Variants in STK3 observed in about 807,000 individuals in gnomAD.
STK3 encodes the protein serine/threonine-protein kinase 3.
STK3 carries 41 observed loss-of-function variants against 58.0 expected under a neutral mutation model. The ratio of observed to expected loss-of-function variants is 0.71; its 90% CI spans 0.55 to 0.92. The LOEUF (loss-of-function observed/expected upper bound fraction) is 0.92, where lower values mean the gene tolerates loss of function less well. Ranked by LOEUF, STK3 falls within the 40% of genes least tolerant of loss-of-function variation. The pLI is 0.00. For synonymous variants in STK3, 170 were observed against 191.0 expected (o/e 0.89, Z 0.91); for missense variants, 479 against 602.7 (o/e 0.79, Z 2.15).
chr8:98,723,434 G>A (rs773894258), intron 4 of STK3, among the ~76,000 whole-genome samples: 1 of 151,996 alleles, frequency 6.6e-6, no homozygotes, highest in Admixed American at 6.6e-5. Context: ...CATTTAATAT[G>A]TCACTGTGTA....
At chr8:98,614,411 C>G (rs1252158489) in intron 6 of STK3, among the ~76,000 whole-genome samples, 1 of 152,144 alleles carries the variant, frequency 6.6e-6, no homozygotes, top group Non-Finnish European at 1.5e-5. Context: ...AACACGCTTT[C>G]AAATAATCTA....
rs1270109161 is a variant in STK3, at chr8:98,911,762, A to G, written c.-78-27928T>C. Among the ~76,000 whole-genome samples, 8 of 152,294 alleles carry G rather than the reference A, an allele frequency of 5.3e-5. No homozygotes were observed. In the East Asian group the frequency reaches 1.5e-3, roughly 29 times the overall value. On this transcript the variant is annotated intron_variant, in intron 1 of 1. Transcript: ENST00000519420. ...TATTTTGAATGGGGGCCTTATAATA[A>G]GAGTATTTATCCTACTTTTTTTCTA...
chr8:98,359,041 T>C, the STK3 span, among the ~76,000 whole-genome samples: 1 of 152,084 alleles, frequency 6.6e-6, no homozygotes, highest in Non-Finnish European at 1.5e-5. Flanking sequence ...GAAATGGTAT[T>C]TCCTTCCTGT....
chr8:98,747,074 T>C (rs895055869), intron 4 of STK3, among the ~76,000 whole-genome samples: 1 of 67,966 alleles, frequency 1.5e-5, no homozygotes, highest in Admixed American at 1.5e-4. Flanking sequence ...TGAAGTAAAA[T>C]AACAACATTT....
Position 98,428,451 on chromosome 8 carries a change from G to T in STK3, n.483+5676C>A, listed in dbSNP as rs1488567981. ...TGAGATCCTTGCCTTCTACAACGACGCCTCCAAGTTCGATGGGCAGCCCCT... is the reference window on the plus strand; with the variant it reads ...TGAGATCCTTGCCTTCTACAACGACTCCTCCAAGTTCGATGGGCAGCCCCT... On this transcript the variant is annotated intron_variant and non_coding_transcript_variant, in intron 3 of 3. Coordinates refer to the STK3 transcript ENST00000517832. The surrounding 1 kb of genome is among the most constrained non-coding windows in gnomAD (Gnocchi z 6.7). 1.2e-6 allele frequency: 2 copies of T among 1,614,076 alleles called. No individual in the cohort carries two copies. Among genetic ancestry groups the T allele is most frequent in the South Asian group, 2.2e-5 (2 of 91,078 alleles).
chr8:98,839,208 G>A (rs1194526244), intron 3 of STK3, among the ~76,000 whole-genome samples: 1 of 151,952 alleles, frequency 6.6e-6, no homozygotes, highest in Non-Finnish European at 1.5e-5. Flanking sequence ...CACTAGGCCT[G>A]ACGAATTTTT....
intron 7 of STK3, among the ~76,000 whole-genome samples, chr8:98,583,001 CAATATT>C (rs1467600653): frequency 6.6e-6 from 1 of 151,960 alleles, no homozygotes; most frequent in Non-Finnish European, 1.5e-5. Flanking sequence ...TGTTCTTTAT[CAATATT>C]AAGTGACTCC....
chr8:98,361,926 T>A, the STK3 span, among the ~76,000 whole-genome samples: 1 of 152,102 alleles, frequency 6.6e-6, no homozygotes, highest in Non-Finnish European at 1.5e-5. Context: ...CTCAAGCCAG[T>A]CCCAAGGGTT....
intron 8 of STK3, among the ~76,000 whole-genome samples, chr8:98,556,800 T>C (rs1811623595): frequency 6.6e-6 from 1 of 152,068 alleles, no homozygotes; most frequent in Non-Finnish European, 1.5e-5. Flanking sequence ...AAAAGGGTCA[T>C]ATAGTAACAG....
intron 1 of STK3, among the ~76,000 whole-genome samples, chr8:98,812,976 G>GTATA: frequency 6.6e-6 from 1 of 150,834 alleles, no homozygotes; most frequent in South Asian, 2.1e-4. Flanking sequence ...CATGGCACAT[G>GTATA]TATACATATG....
At chr8:98,609,638 G>A (rs1817029960) in intron 6 of STK3, among the ~76,000 whole-genome samples, 1 of 152,138 alleles carries the variant, frequency 6.6e-6, no homozygotes, top group Non-Finnish European at 1.5e-5. Flanking sequence ...TGCCTTGAAT[G>A]TATCAGAAAA....
intron 1 of STK3, among the ~76,000 whole-genome samples, chr8:98,385,516 C>T (rs1438301707): frequency 6.6e-6 from 1 of 152,180 alleles, no homozygotes; most frequent in East Asian, 1.9e-4. Context: ...GGAAGCCACA[C>T]ACAGCTGCAA....
chr8:98,876,973 G>T (rs569774307), intron 3 of STK3, among the ~76,000 whole-genome samples: 3 of 152,090 alleles, frequency 2.0e-5, no homozygotes, highest in Non-Finnish European at 2.9e-5. Context: ...ATTTTGTTCC[G>T]CCCAGAACAA....
chr8:98,840,376 A>G (rs1835924003), intron 3 of STK3, among the ~76,000 whole-genome samples: 1 of 145,216 alleles, frequency 6.9e-6, no homozygotes, highest in East Asian at 2.0e-4. Flanking sequence ...AAAAAAGACC[A>G]GCCTCGGCAA....
intron 3 of STK3, among the ~76,000 whole-genome samples, chr8:98,870,477 T>G (rs1232939043): frequency 1.3e-5 from 2 of 152,366 alleles, no homozygotes; most frequent in African/African-American, 2.4e-5. Context: ...AAAGTGTTCC[T>G]ATTTCTCCAC....
chr8:98,367,441 A>T (rs761691862), downstream of STK3, among the ~76,000 whole-genome samples: 1 of 152,214 alleles, frequency 6.6e-6, no homozygotes, highest in Non-Finnish European at 1.5e-5. Context: ...GAAGGCCAGA[A>T]TATGGGAAGC....
intron 1 of STK3, chr8:98,905,005 A>C: frequency 1.3e-6 from 1 of 772,694 alleles, no homozygotes; most frequent in Non-Finnish European, 2.4e-6. Context: ...CGCTTATAGT[A>C]GTGGAGTGCT....
chr8:98,679,805 T>C (rs559429878), intron 6 of STK3, among the ~76,000 whole-genome samples: 3 of 152,232 alleles, frequency 2.0e-5, no homozygotes, highest in South Asian at 2.1e-4. Flanking sequence ...TGAGAATCAA[T>C]GACTTTCTAA....
At chr8:98,400,348 C>A (rs1817930836), downstream of STK3, among the ~76,000 whole-genome samples, 1 of 152,210 alleles carries the variant, frequency 6.6e-6, no homozygotes, top group Admixed American at 6.5e-5. Context: ...AAGGCTGTGC[C>A]CCCAGGTGTC....
Sources: gnomAD v4.1 joint callset for allele counts (sites outside exome capture counted in the v4.1 genomes callset) on GRCh38, gnomAD v4.1.1 for gene constraint, Gnocchi (gnomAD v3.1) non-coding constraint, MANE v1.5 for transcripts, NCBI Gene and HGNC (gene_info 2026-07-23, HGNC 2026-07-21) for gene names.